Variants in ALDH1L2 observed in about 807,000 individuals in gnomAD.
ALDH1L2 encodes mitochondrial 10-formyltetrahydrofolate dehydrogenase.
ALDH1L2 carries 91 observed loss-of-function variants against 111.0 expected under a neutral mutation model. The observed-to-expected ratio is 0.82, with a 90% CI of 0.69 to 0.98. ALDH1L2 has a LOEUF of 0.98. ALDH1L2 is among the 50% of genes least tolerant of loss of function. ALDH1L2 has a pLI of 0.00. For missense variants in ALDH1L2, 995 were observed against 1,126.8 expected (o/e 0.88, Z 1.67); for synonymous variants, 374 against 392.6 (o/e 0.95, Z 0.56).
chr12:105,068,318 C>T (rs139914549), intron 4 of ALDH1L2, among the ~76,000 whole-genome samples: 17 of 151,900 alleles, frequency 1.1e-4, no homozygotes, highest in Non-Finnish European at 1.9e-4. Context: ...TACAGCAACA[C>T]CAAATTTCAC....
In ALDH1L2 at chr12:105,070,618, T is replaced by C; in HGVS notation, c.380A>G (p.Tyr127Cys). The change falls in exon 3 of 23, where the codon TAT becomes TGT. Residue 127 changes from tyrosine (Y) to cysteine (C), a missense_variant. Physicochemically the swap from Tyr to Cys is radical, Grantham distance 194. Coordinates refer to ENST00000258494, the MANE Select transcript of ALDH1L2 (RefSeq NM_001034173.4). ...IDSPKHGSII[Y>C]HPSILPRHRG... ...GTGCCTGGGCAGGATGGATGGGTGA[T>C]AAATGATAGAGCCGTGCTTTGGACT... 6.2e-7 allele frequency: 1 copy of C among 1,614,106 alleles called. No individual in the cohort carries two copies. Among genetic ancestry groups the C allele is most frequent in the Non-Finnish European group, 8.5e-7 (1 of 1,180,010 alleles).
Position 105,053,842 on chromosome 12 carries a change from A to G in ALDH1L2, c.1288-911T>C, listed in dbSNP as rs536502217. On this transcript the variant is annotated intron_variant, in intron 10 of 22. Coordinates refer to ENST00000258494, the MANE Select transcript of ALDH1L2 (RefSeq NM_001034173.4). ...CTAACAATTCTCTGAGGTAGATATC[A>G]TTATTATATATTATTATTATATAAT... Among the ~76,000 whole-genome samples, 72 of 122,616 alleles carry G rather than the reference A, an allele frequency of 5.9e-4. 1 individual carries two copies. The highest frequency in any genetic ancestry group is 1.2e-3 in the Non-Finnish European group (60 of 52,030). The allele number at this position is 122,616 out of a possible 152,430, so 80.4% of individuals were successfully genotyped here.
rs1328001710 is a variant in ALDH1L2, at chr12:105,046,207, ATATATATATATATAT to A, written c.1863+488_1863+502del. ...TCTCTCTCTCTCTATATATATATAT[ATATATATATATATAT>A]TTTTTTTTTTTTTTTTTTTTTTTTT... is the stretch of plus-strand genomic sequence containing the variant. On this transcript the variant is annotated intron_variant, in intron 15 of 22. Transcript: ENST00000258494. 3.0e-3 allele frequency among the ~76,000 whole-genome samples: 139 copies of A among 46,612 alleles called. 2 individuals carry two copies. Among genetic ancestry groups the A allele is most frequent in the Middle Eastern group, 0.015 (1 of 66 alleles). 30.6% of individuals were successfully genotyped at this position (46,612 alleles called of 152,430 possible).
Position 105,035,739 on chromosome 12 carries a change from CTG to C in ALDH1L2, c.2146-1343_2146-1342del, listed in dbSNP as rs530767405. Among the ~76,000 whole-genome samples the C allele has an allele frequency of 2.0e-3, 304 of 151,402 alleles. 1 individual carries two copies. The highest frequency in any genetic ancestry group is 7.2e-3 in the African/African-American group (295 of 41,180). On this transcript the variant is annotated intron_variant, in intron 18 of 22. Coordinates refer to ENST00000258494, the MANE Select transcript of ALDH1L2 (RefSeq NM_001034173.4). ...ACTCAAAAATGACGGATTTGGAAGA[CTG>C]ATGAATTTTGTGCATTTTCCCTTTT...
At chr12:105,070,938 G>A (rs1877651665) in intron 2 of ALDH1L2, 134 bp from the exon 3 acceptor site, 2 of 772,550 alleles carry the variant, frequency 2.6e-6, no homozygotes, top group Non-Finnish European at 4.1e-6. Context: ...TTTAGATTGT[G>A]ACTAGAATTT....
chr12:105,065,160 G>GAAGAA, intron 6 of ALDH1L2, 107 bp downstream of exon 6: 1 of 689,644 alleles, frequency 1.5e-6, no homozygotes, highest in Non-Finnish European at 2.5e-6. Flanking sequence ...TCACAGACCT[G>GAAGAA]CCTCATGACC....
chr12:105,045,815 C>G (rs1320643953), intron 15 of ALDH1L2, among the ~76,000 whole-genome samples: 1 of 93,316 alleles, frequency 1.1e-5, no homozygotes, highest in Non-Finnish European at 2.0e-5. Context: ...TGAGAGGTAA[C>G]AAATTATAAA....
chr12:105,066,483 T>C (rs1363900819), intron 5 of ALDH1L2, 85 bp downstream of exon 5: 44 of 1,323,608 alleles, frequency 3.3e-5, no homozygotes, highest in Non-Finnish European at 4.7e-5. Flanking sequence ...GCTTACCTTT[T>C]GGCAAGATCA....
intron 22 of ALDH1L2, among the ~76,000 whole-genome samples, chr12:105,025,223 G>A (rs1874353197): frequency 6.6e-6 from 1 of 152,088 alleles, no homozygotes; most frequent in African/African-American, 2.4e-5. Context: ...ATCACTCAGG[G>A]AGCTTTTAAG....
intron 12 of ALDH1L2, 37 bp downstream of exon 12, chr12:105,052,053 C>T (rs912621103): frequency 6.6e-7 from 1 of 1,512,164 alleles, no homozygotes; most frequent in East Asian, 2.6e-5. Flanking sequence ...ACCAGAGTTA[C>T]TTTTCTAAAA....
At chr12:105,068,586 TA>T (rs907537551) in intron 4 of ALDH1L2, 132 bp downstream of exon 4, 49 of 964,212 alleles carry the variant, frequency 5.1e-5, no homozygotes, top group Middle Eastern at 3.7e-4. Context: ...TCCCATTAGT[TA>T]AAAAAAATCT....
At chr12:105,071,355 A>G (rs1406362934) in intron 2 of ALDH1L2, among the ~76,000 whole-genome samples, 1 of 151,884 alleles carries the variant, frequency 6.6e-6, no homozygotes, top group East Asian at 1.9e-4. Flanking sequence ...AACAAAGGTG[A>G]GAGGCCAAGG....
In ALDH1L2 at chr12:105,040,633, C is replaced by G. The variant is rs1875475743; in HGVS notation, c.1925G>C (p.Gly642Ala). The change falls in exon 16 of 23, where the codon GGG becomes GCG. Residue 642 changes from glycine to alanine, a missense_variant. Physicochemically the swap from Gly to Ala is moderately conservative, Grantham distance 60. Coordinates refer to ENST00000258494, the MANE Select transcript of ALDH1L2 (RefSeq NM_001034173.4). ...ELSVKAGFPK[G>A]VINIIPGSGG... The stretch of plus-strand genomic sequence containing the variant: ...TGAGCCTGGAATGATGTTGATGACC[C>G]CCTTTGGAAAGCCTGCTTTCACAGA... The G allele has an allele frequency of 6.2e-7, 1 of 1,613,954 alleles. No homozygotes were observed. The highest frequency in any genetic ancestry group is 8.5e-7 in the Non-Finnish European group (1 of 1,179,992).
chr12:105,041,577 C>T (rs189767538), intron 15 of ALDH1L2, among the ~76,000 whole-genome samples: 153 of 152,280 alleles, frequency 1.0e-3, no homozygotes, highest in African/African-American at 3.5e-3. Flanking sequence ...TTTTTATCCA[C>T]TAGTTTTAGT....
intron 19 of ALDH1L2, 138 bp from the exon 20 acceptor site, chr12:105,032,072 TG>T (rs780957208): frequency 2.4e-6 from 2 of 834,978 alleles, no homozygotes; most frequent in South Asian, 5.5e-5. Context: ...GGTAGGTGGT[TG>T]GTTTTTTTTT....
chr12:105,030,110 A>C (rs540398020), intron 21 of ALDH1L2: 1 of 353,308 alleles, frequency 2.8e-6, no homozygotes, highest in Non-Finnish European at 5.0e-6. Flanking sequence ...CTAAAAGCCC[A>C]TTATGTTGGC....
At chr12:105,076,754 C>T (rs1371508561) in intron 1 of ALDH1L2, among the ~76,000 whole-genome samples, 1 of 152,112 alleles carries the variant, frequency 6.6e-6, no homozygotes, top group Admixed American at 6.6e-5. Context: ...TAAGCAATAC[C>T]TAGGTACCTA....
In ALDH1L2 at chr12:105,023,083, T is replaced by C. The variant is rs1436977141; in HGVS notation, c.*1341A>G. ...GGAAATGGGCTGTTAATAGTTTCCA[T>C]TTCTTCAATGCTATGGTCCAAACGC... On this transcript the variant is annotated 3_prime_UTR_variant, in exon 23 of 23. Transcript: ENST00000258494. The C allele has an allele frequency of 3.3e-5, 5 of 152,244 alleles. No homozygotes were observed. The highest frequency in any genetic ancestry group is 5.9e-5 in the Non-Finnish European group (4 of 68,046). 9.4% of individuals were successfully genotyped at this position (152,244 alleles called of 1,614,324 possible). A position where few individuals can be genotyped will look rare whatever the true frequency, so the allele number is the denominator to read the frequency against.
chr12:105,021,682 A>G lies in ALDH1L2; in HGVS notation c.*2742T>C, dbSNP rs1290841027. On this transcript the variant is annotated 3_prime_UTR_variant, in exon 23 of 23. Transcript: ENST00000258494. ...TCAGAGATTGTGAAGATTAAATAACATTTAAAACATGCTTAGCCTAAGGTC... is the reference window on the plus strand; with the variant it reads ...TCAGAGATTGTGAAGATTAAATAACGTTTAAAACATGCTTAGCCTAAGGTC... 1 of 152,190 alleles carries G rather than the reference A, an allele frequency of 6.6e-6. No individual in the cohort carries two copies. Among genetic ancestry groups the G allele is most frequent in the East Asian group, 1.9e-4 (1 of 5,202 alleles). 9.4% of individuals were successfully genotyped at this position (152,190 alleles called of 1,614,324 possible).
Sources: allele counts gnomAD v4.1 joint callset (sites outside exome capture counted in the v4.1 genomes callset), GRCh38; gene constraint gnomAD v4.1.1; transcripts MANE v1.5; gene names NCBI Gene and HGNC (gene_info 2026-07-23, HGNC 2026-07-21).